Variants in ZC2HC1B observed in about 807,000 individuals in gnomAD.
ZC2HC1B encodes the protein zinc finger C2HC domain-containing protein 1B.
ZC2HC1B carries 36 observed loss-of-function variants against 31.0 expected under a neutral mutation model. The observed-to-expected ratio is 1.16, with a 90% CI of 0.89 to 1.54. ZC2HC1B has a LOEUF of 1.54. ZC2HC1B is among the 40% of genes most tolerant of loss of function. The pLI is 0.00. For missense variants in ZC2HC1B, 260 were observed against 268.6 expected (o/e 0.97, Z 0.22); for synonymous variants, 73 against 88.0 (o/e 0.83, Z 0.95).
intron 6 of ZC2HC1B, among the ~76,000 whole-genome samples, chr6:143,925,696 C>T (rs1222455082): frequency 6.6e-6 from 1 of 151,950 alleles, no homozygotes; most frequent in Non-Finnish European, 1.5e-5. Context: ...GCCATCACAC[C>T]AGGCTAATTT....
In ZC2HC1B at chr6:143,883,083, A is replaced by G. The variant is rs1777488496; in HGVS notation, c.29-1221A>G. Among the ~76,000 whole-genome samples the G allele has an allele frequency of 2.6e-5, 4 of 152,140 alleles. No homozygotes were observed. Among genetic ancestry groups the G allele is most frequent in the Admixed American group, 2.6e-4 (4 of 15,276 alleles). On this transcript the variant is annotated intron_variant, in intron 1 of 7. Coordinates refer to ENST00000237275, the MANE Select transcript of ZC2HC1B (RefSeq NM_001013623.3). The surrounding 1 kb of genome is among the most constrained non-coding windows in gnomAD (Gnocchi z 4.1). ...GAGACAGGATCTTGCTCTGTCTCCC[A>G]GGCTGGAGTGCAGTGTTATGATCAT...
At position 143,934,124 on chromosome 6, in the gene ZC2HC1B, A is replaced by ATT. The variant is rs1297623412; in HGVS notation, c.599-3521_599-3520dup. ...GCTAAATTCTTCTCCCGTAATCTGG[A>ATT]TTTTTCAGGTTCCTCAGTGGGGACG... On this transcript the variant is annotated intron_variant, in intron 6 of 7. Transcript: ENST00000237275. This position sits in a 1 kb window ranked among gnomAD's most constrained non-coding sequence, Gnocchi z 4.6. Among the ~76,000 whole-genome samples, 7 of 152,094 alleles carry ATT rather than the reference A, an allele frequency of 4.6e-5. No individual in the cohort carries two copies. The highest frequency in any genetic ancestry group is 1.0e-4 in the Non-Finnish European group (7 of 68,028).
chr6:143,875,890 T>C (rs893834753), intron 1 of ZC2HC1B, among the ~76,000 whole-genome samples: 1 of 150,656 alleles, frequency 6.6e-6, no homozygotes, highest in Admixed American at 6.6e-5. Context: ...GGGATGTTGC[T>C]ACCACTGGGG....
chr6:143,892,094 A>C (rs926079837), intron 4 of ZC2HC1B, among the ~76,000 whole-genome samples: 2 of 152,088 alleles, frequency 1.3e-5, no homozygotes, highest in African/African-American at 4.8e-5. Context: ...GAAATACCTG[A>C]GGCTGGGTAA....
At position 143,885,897 on chromosome 6, in the gene ZC2HC1B, T is replaced by G. The variant is rs1582956449; in HGVS notation, c.91-135T>G. 1 of 982,178 alleles carries G rather than the reference T, an allele frequency of 1.0e-6. No individual in the cohort carries two copies. The highest frequency in any genetic ancestry group is 3.1e-5 in the East Asian group (1 of 32,760). 60.8% of individuals were successfully genotyped at this position (982,178 alleles called of 1,614,324 possible). ...GAAGAGCCAGATGGATTTGCTCTGC[T>G]GTGACCTGTTAGAGAATGAACTAGG... On this transcript the variant is annotated intron_variant, in intron 2 of 7. Coordinates refer to ENST00000237275, the MANE Select transcript of ZC2HC1B (RefSeq NM_001013623.3). This position sits in a 1 kb window ranked among gnomAD's most constrained non-coding sequence, Gnocchi z 4.2.
At chr6:143,900,386 G>A (rs1187526938) in intron 5 of ZC2HC1B, among the ~76,000 whole-genome samples, 61 of 127,876 alleles carry the variant, frequency 4.8e-4, no homozygotes, top group Admixed American at 1.3e-3. Context: ...GCAAAACTCC[G>A]TCTCAAAAAA....
rs563137894 is a variant in ZC2HC1B at position 143,894,099 on chromosome 6, G to A, written c.350-4453G>A. 2.0e-5 allele frequency among the ~76,000 whole-genome samples: 3 copies of A among 152,248 alleles called. No individual in the cohort carries two copies. The South Asian group carries it at 6.2e-4, about 32-fold the overall frequency. On this transcript the variant is annotated intron_variant, in intron 4 of 7. Transcript: ENST00000237275. Reference sequence around the variant, plus strand: ...GTCCATAAAAAAGATTTACATGATTGTTCATAGCTTTATTCATATAGCGTA... The same window carrying A: ...GTCCATAAAAAAGATTTACATGATTATTCATAGCTTTATTCATATAGCGTA...
intron 5 of ZC2HC1B, among the ~76,000 whole-genome samples, chr6:143,901,250 C>CTTTTTTTTTTTTTTTTTTT (rs760366226): frequency 1.1e-5 from 1 of 90,498 alleles, no homozygotes; most frequent in Non-Finnish European, 2.1e-5. Context: ...TTCTTTCTTC[C>CTTTTTTTTTTTTTTTTTTT]TTTTTTTTTT....
rs971918067 is a variant in ZC2HC1B at position 143,899,759 on chromosome 6, CTG to C, written c.489+1071_489+1072del. Among the ~76,000 whole-genome samples the C allele has an allele frequency of 1.3e-5, 2 of 152,208 alleles. No homozygotes were observed. The highest frequency in any genetic ancestry group is 4.8e-5 in the African/African-American group (2 of 41,458). ...TTCCAACAAAAGCGGATCCCACAGACTGTGGATCCTGAGCGCTATCCCCTTAA... is the reference window on the plus strand; with the variant it reads ...TTCCAACAAAAGCGGATCCCACAGACTGGATCCTGAGCGCTATCCCCTTAA... On this transcript the variant is annotated intron_variant, in intron 5 of 7. Transcript: ENST00000237275. The surrounding 1 kb of genome is among the most constrained non-coding windows in gnomAD (Gnocchi z 5.0).
At chr6:143,920,733 C>T (rs555528270) in intron 6 of ZC2HC1B, among the ~76,000 whole-genome samples, 4 of 152,016 alleles carry the variant, frequency 2.6e-5, no homozygotes, top group Admixed American at 2.6e-4. Flanking sequence ...CATGGTGAAA[C>T]CCCGTCTCTA....
chr6:143,879,019 G>T (rs544046210), intron 1 of ZC2HC1B, among the ~76,000 whole-genome samples: 3 of 152,288 alleles, frequency 2.0e-5, no homozygotes, highest in African/African-American at 7.2e-5. Flanking sequence ...GTGGGGCAGG[G>T]GTTGGGGGCA....
intron 6 of ZC2HC1B, among the ~76,000 whole-genome samples, chr6:143,916,275 ACTGAGGTTTGGGAACCT>A (rs1777915524): frequency 6.6e-6 from 1 of 152,208 alleles, no homozygotes; most frequent in South Asian, 2.1e-4. Flanking sequence ...GAAGTCAAGA[ACTGAGGTTTGGGAACCT>A]CTGTCTAGAT....
Position 143,870,598 on chromosome 6 carries a change from C to T in ZC2HC1B, c.28+6031C>T, listed in dbSNP as rs1777324923. 6.6e-6 allele frequency among the ~76,000 whole-genome samples: 1 copy of T among 152,164 alleles called. No individual in the cohort carries two copies. Among genetic ancestry groups the T allele is most frequent in the South Asian group, 2.1e-4 (1 of 4,830 alleles). On this transcript the variant is annotated intron_variant, in intron 1 of 7. Transcript: ENST00000237275. This position sits in a 1 kb window ranked among gnomAD's most constrained non-coding sequence, Gnocchi z 4.7. The stretch of plus-strand genomic sequence containing the variant: ...ATGGCTAGATGGGTCAGAAAGCACT[C>T]AGTTCATGATAGGCAGGTCAGGTTG...
In ZC2HC1B at chr6:143,903,116, G is replaced by T. The variant is rs982640683; in HGVS notation, c.562G>T (p.Val188Phe). Residue 188 changes from valine to phenylalanine, a missense_variant, in exon 6 of 8, where the codon GTC (valine) becomes TTC (phenylalanine). By Grantham distance (50) the Val-to-Phe change is conservative. Coordinates refer to ENST00000237275, the MANE Select transcript of ZC2HC1B (RefSeq NM_001013623.3). This position sits in a 1 kb window ranked among gnomAD's most constrained non-coding sequence, Gnocchi z 4.3. The stretch of plus-strand genomic sequence containing the variant: ...TGTGGGAGCTTTGCTGCAGAACAGG[G>T]TCCTGGTGGCCACGAATGAAGTCCC... ...SAVGALLQNR[V>F]LVATNEVPTK... is the part of the protein sequence containing the mutation. 8 of 1,551,982 alleles carry T rather than the reference G, an allele frequency of 5.2e-6. No homozygotes were observed. The highest frequency in any genetic ancestry group is 1.4e-5 in the African/African-American group (1 of 73,046).
At chr6:143,937,353 G>A (rs982116575) in intron 6 of ZC2HC1B, among the ~76,000 whole-genome samples, 4 of 152,174 alleles carry the variant, frequency 2.6e-5, no homozygotes, top group African/African-American at 4.8e-5. Flanking sequence ...AGGGGATGTC[G>A]AAAGTCCTAG....
rs927015382 is a variant in ZC2HC1B at position 143,915,899 on chromosome 6, A to T, written c.598+12747A>T. The stretch of plus-strand genomic sequence containing the variant: ...AAAAGTTTGGAAAAGTTGCAGCCTG[A>T]CAATGCAATAGAAAAGAAAATCCCA... On this transcript the variant is annotated intron_variant, in intron 6 of 7. Transcript: ENST00000237275. This position sits in a 1 kb window ranked among gnomAD's most constrained non-coding sequence, Gnocchi z 5.2. 1.3e-5 allele frequency among the ~76,000 whole-genome samples: 2 copies of T among 152,242 alleles called. No individual in the cohort carries two copies. Among genetic ancestry groups the T allele is most frequent in the Non-Finnish European group, 2.9e-5 (2 of 68,042 alleles).
chr6:143,916,404 G>A (rs1029746728), intron 6 of ZC2HC1B, among the ~76,000 whole-genome samples: 1 of 152,240 alleles, frequency 6.6e-6, no homozygotes, highest in Non-Finnish European at 1.5e-5. Context: ...GAAGGGAAAT[G>A]TGGGGTCAGA....
In ZC2HC1B at chr6:143,883,923, C is replaced by T. The variant is rs1777501992; in HGVS notation, c.29-381C>T. ...ACAGTCTCAGCTTTCACAGAACTTA[C>T]ATTCTAGTAGGAGTCCCAAAGATGT... is the stretch of plus-strand genomic sequence containing the variant. On this transcript the variant is annotated intron_variant, in intron 1 of 7. Coordinates refer to ENST00000237275, the MANE Select transcript of ZC2HC1B (RefSeq NM_001013623.3). The surrounding 1 kb of genome is among the most constrained non-coding windows in gnomAD (Gnocchi z 4.1). 2.0e-5 allele frequency among the ~76,000 whole-genome samples: 3 copies of T among 152,306 alleles called. No individual in the cohort carries two copies. The South Asian group carries it at 6.2e-4, about 32-fold the overall frequency.
intron 1 of ZC2HC1B, among the ~76,000 whole-genome samples, chr6:143,878,187 T>G (rs1356287217): frequency 6.6e-6 from 1 of 150,880 alleles, no homozygotes; most frequent in Non-Finnish European, 1.5e-5. Flanking sequence ...ATTTTCCCAG[T>G]TGAGGGTGAA....
Sources: allele counts gnomAD v4.1 joint callset (sites outside exome capture counted in the v4.1 genomes callset), GRCh38; gene constraint gnomAD v4.1.1; non-coding constraint Gnocchi (gnomAD v3.1); transcripts MANE v1.5; gene names NCBI Gene and HGNC (gene_info 2026-07-23, HGNC 2026-07-21).